TMEM44: variants seen among roughly 807,000 people sequenced by gnomAD.
TMEM44 encodes the protein transmembrane protein 44.
TMEM44 carries 43 observed loss-of-function variants against 47.8 expected under a neutral mutation model. The ratio of observed to expected loss-of-function variants is 0.90; its 90% confidence interval spans 0.70 to 1.16. TMEM44 has a LOEUF of 1.16. TMEM44 is among the 50% of genes most tolerant of loss of function. The pLI, the probability that TMEM44 is intolerant of heterozygous loss-of-function variation, is 0.00. For missense variants in TMEM44, 568 were observed against 555.2 expected (o/e 1.02, Z -0.23); for synonymous variants, 277 against 238.8 (o/e 1.16, Z -1.48).
rs1469792576 is a variant in TMEM44 at position 194,604,313 on chromosome 3, C to T, written c.1150G>A (p.Val384Ile). The T allele has an allele frequency of 6.3e-7, 1 of 1,580,982 alleles. No individual in the cohort carries two copies. The highest frequency in any genetic ancestry group is 1.3e-5 in the African/African-American group (1 of 74,236). Reference protein sequence around the residue: ...ARVSSGSSSEVSSINSDLEWD... With the variant: ...ARVSSGSSSEISSINSDLEWD... ...TCCAGGTCGGAGTTGATGGAGGAGACCTCAGAGGAGCTGCCGGAAGACACC... is the reference window on the plus strand; with the variant it reads ...TCCAGGTCGGAGTTGATGGAGGAGATCTCAGAGGAGCTGCCGGAAGACACC... Residue 384 changes from valine to isoleucine, a missense_variant, in exon 9 of 10, where the codon GTC becomes ATC. Transcript: ENST00000347147.
At position 194,608,918 on chromosome 3, in the gene TMEM44, T is replaced by A. The variant is rs530416226; in HGVS notation, c.1017+1998A>T. ...GTGAATGATCCCTCTGGCTGCTCGT[T>A]AGAGATGGGCAGGGCAGGACCACAG... On this transcript the variant is annotated intron_variant, in intron 8 of 9. Coordinates refer to ENST00000347147, the MANE Select transcript of TMEM44 (RefSeq NM_001011655.3). Among the ~76,000 whole-genome samples the A allele has an allele frequency of 3.9e-5, 6 of 152,204 alleles. No homozygotes were observed. The East Asian group carries it at 1.2e-3, about 29-fold the overall frequency.
intron 6 of TMEM44, 55 bp from the exon 7 acceptor site, chr3:194,615,752 C>T: frequency 6.3e-7 from 1 of 1,596,118 alleles, no homozygotes; most frequent in Non-Finnish European, 8.5e-7. Flanking sequence ...CCTAGCGTGG[C>T]CCTTCACCCC....
At chr3:194,623,789 A>C in intron 3 of TMEM44, 94 bp from the exon 4 acceptor site, 3 of 1,512,398 alleles carry the variant, frequency 2.0e-6, no homozygotes, top group Non-Finnish European at 2.7e-6. Context: ...AGCTCCCCAC[A>C]TGATGCTGAA....
chr3:194,594,699 A>C (rs527857845), intron 9 of TMEM44, among the ~76,000 whole-genome samples: 1 of 152,322 alleles, frequency 6.6e-6, no homozygotes, highest in Non-Finnish European at 1.5e-5. Context: ...AAAAGACAGA[A>C]ATGCCGATGA....
chr3:194,623,561 GC>G lies in TMEM44; in HGVS notation c.492del (p.Pro165HisfsTer6). On this transcript the variant is annotated frameshift_variant, in exon 4 of 10. Transcript: ENST00000347147. LOFTEE classifies it high-confidence loss of function. Reference sequence around the variant, plus strand: ...AGGCTCGCTAGCAGCCTCCGCTGTGGCCCCCGGATGGTGGCTGAAGCCTTCG... The same window carrying G: ...AGGCTCGCTAGCAGCCTCCGCTGTGGCCCCGGATGGTGGCTGAAGCCTTCG... ...AVPKASATIRGPQRRLLASLL... is the reference protein window; with the variant it reads ...AVPKASATIRXPQRRLLASLL... 6.2e-7 allele frequency: 1 copy of G among 1,606,880 alleles called. No individual in the cohort carries two copies. The highest frequency in any genetic ancestry group is 8.5e-7 in the Non-Finnish European group (1 of 1,177,568).
chr3:194,594,583 ATTC>A (rs1713171261), intron 9 of TMEM44, among the ~76,000 whole-genome samples: 1 of 152,044 alleles, frequency 6.6e-6, no homozygotes, highest in East Asian at 1.9e-4. Flanking sequence ...ATTCCTTAGC[ATTC>A]TTCATCTAAC....
At chr3:194,623,801 C>G (rs368401806) in intron 3 of TMEM44, 106 bp from the exon 4 acceptor site, 2 of 1,436,176 alleles carry the variant, frequency 1.4e-6, no homozygotes, top group South Asian at 1.3e-5. Flanking sequence ...GATGCTGAAG[C>G]GGGTTCCCAC....
At position 194,604,406 on chromosome 3, in the gene TMEM44, T is replaced by C; in HGVS notation, c.1057A>G (p.Thr353Ala). ...TGCAGGGACGCATCTCCGGCGCTCG[T>C]CTGCCCGTCACCTGGCAGCCTGGTG... ...SATRLPGDGQ[T>A]SAGDASLQDP... Residue 353 changes from threonine (T) to alanine (A), a missense_variant, in exon 9 of 10, where the codon ACG (threonine) becomes GCG (alanine). Thr to Ala is a moderately conservative substitution (Grantham distance 58, BLOSUM62 0). Coordinates refer to ENST00000347147, the MANE Select transcript of TMEM44 (RefSeq NM_001011655.3). 1.3e-6 allele frequency: 2 copies of C among 1,536,196 alleles called. No individual in the cohort carries two copies. Among genetic ancestry groups the C allele is most frequent in the African/African-American group, 1.4e-5 (1 of 72,926 alleles).
intron 7 of TMEM44, among the ~76,000 whole-genome samples, chr3:194,613,637 C>T (rs191634470): frequency 2.3e-3 from 347 of 151,032 alleles, no homozygotes; most frequent in African/African-American, 7.7e-3. Context: ...GAATTACAGG[C>T]GCGTGCCACC....
chr3:194,588,592 C>T lies in TMEM44; in HGVS notation c.1224G>A (p.Glu408=). Residue 408 remains glutamate (E), a synonymous_variant, in exon 10 of 10, where the codon GAG becomes GAA. Coordinates refer to ENST00000347147, the MANE Select transcript of TMEM44 (RefSeq NM_001011655.3). ...CCTGGTGCACCTGGGATCCCAGTAG[C>T]TCCACATTTTCTTTGCTGCCTTCGA... is the stretch of plus-strand genomic sequence containing the variant. ...VNLEGSKENV[E]LLGSQVHQDS... is the part of the protein sequence containing the mutation. 6.2e-7 allele frequency: 1 copy of T among 1,614,218 alleles called. No homozygotes were observed. The highest frequency in any genetic ancestry group is 1.3e-5 in the African/African-American group (1 of 75,050).
chr3:194,600,657 A>AG (rs1409167240), intron 9 of TMEM44, among the ~76,000 whole-genome samples: 5 of 152,226 alleles, frequency 3.3e-5, no homozygotes, highest in Non-Finnish European at 5.9e-5. Context: ...AGGCTGAGGC[A>AG]GGGGAATCGC....
intron 9 of TMEM44, chr3:194,593,010 C>G: frequency 6.2e-7 from 1 of 1,613,392 alleles, no homozygotes; most frequent in Non-Finnish European, 8.5e-7. Context: ...GGAAGTCCCT[C>G]CTGGAAGAGA....
At chr3:194,615,746 G>C in intron 6 of TMEM44, 49 bp from the exon 7 acceptor site, 1 of 1,602,932 alleles carries the variant, frequency 6.2e-7, no homozygotes, top group East Asian at 2.2e-5. Flanking sequence ...CAGCTGCCTA[G>C]CGTGGCCCTT....
Position 194,623,242 on chromosome 3 carries a change from G to A in TMEM44, c.594C>T (p.Ile198=), listed in dbSNP as rs1032025002. Residue 198 remains isoleucine (I), a synonymous_variant, in exon 5 of 10, where the codon ATC becomes ATT. Coordinates refer to ENST00000347147, the MANE Select transcript of TMEM44 (RefSeq NM_001011655.3). The stretch of plus-strand genomic sequence containing the variant: ...GCCTCACAATTCTGGAGAGAGGGGG[G>A]ATCCGAGAAGCCCAGGAGCCAAAGG... ...VAAFGSWASR[I]PPLSRICRGK... The A allele has an allele frequency of 6.2e-7, 1 of 1,610,032 alleles. No individual in the cohort carries two copies. The highest frequency in any genetic ancestry group is 1.3e-5 in the African/African-American group (1 of 74,700).
At chr3:194,588,782 C>T in intron 9 of TMEM44, 143 bp from the exon 10 acceptor site, 1 of 753,994 alleles carries the variant, frequency 1.3e-6, no homozygotes, top group Non-Finnish European at 2.2e-6. Flanking sequence ...GGACAAGTTA[C>T]CCAGGCCTGT....
At chr3:194,592,254 A>C (rs1712855385) in intron 9 of TMEM44, among the ~76,000 whole-genome samples, 1 of 151,934 alleles carries the variant, frequency 6.6e-6, no homozygotes, top group Admixed American at 6.6e-5. Context: ...TCATTGCTGG[A>C]AACCAGGCAT....
At chr3:194,608,634 A>G (rs891147406) in intron 8 of TMEM44, among the ~76,000 whole-genome samples, 3 of 152,222 alleles carry the variant, frequency 2.0e-5, no homozygotes, top group Non-Finnish European at 4.4e-5. Context: ...AAGACAAGAA[A>G]GAGGCAGCTG....
chr3:194,589,186 G>C (rs911562320), intron 9 of TMEM44: 3 of 154,304 alleles, frequency 1.9e-5, no homozygotes, highest in South Asian at 2.0e-4. Flanking sequence ...TTTTAGTAGA[G>C]ATAAAGTCTT....
intron 9 of TMEM44, among the ~76,000 whole-genome samples, chr3:194,596,331 T>G (rs550152088): frequency 6.6e-6 from 1 of 152,106 alleles, no homozygotes; most frequent in African/African-American, 2.4e-5. Context: ...TTACCTGGAT[T>G]TGGGGAGGCG....
Sources: gnomAD v4.1 joint callset for allele counts (sites outside exome capture counted in the v4.1 genomes callset) on GRCh38, gnomAD v4.1.1 for gene constraint, MANE v1.5 for transcripts, NCBI Gene and HGNC (gene_info 2026-07-23, HGNC 2026-07-21) for gene names.